UGT1A8: variants seen among roughly 807,000 people sequenced by gnomAD.
UGT1A8 encodes UDP-glucuronosyltransferase 1A8.
UGT1A8 carries 39 observed loss-of-function variants against 45.3 expected under a neutral mutation model. That is an observed-to-expected ratio of 0.86 (90% CI 0.67 to 1.12). The LOEUF (loss-of-function observed/expected upper bound fraction) is 1.12, where lower values mean the gene tolerates loss of function less well. Ranked by LOEUF, UGT1A8 falls within the 50% of genes most tolerant of loss-of-function variation. UGT1A8 has a pLI of 0.00. For missense variants in UGT1A8, 719 were observed against 664.9 expected, an observed-to-expected ratio of 1.08 and a Z score of -0.90; for synonymous variants, 275 against 249.2, an observed-to-expected ratio of 1.10 and a Z score of -0.97.
At chr2:233,680,914 A>G (rs12474215) in intron 1 of UGT1A8, among the ~76,000 whole-genome samples, 1 of 151,884 alleles carries the variant, frequency 6.6e-6, no homozygotes, top group Non-Finnish European at 1.5e-5. Flanking sequence ...AATGTATCTG[A>G]GGAAAGCCAT....
At chr2:233,757,106 G>A (rs1294387153) in intron 1 of UGT1A8, among the ~76,000 whole-genome samples, 2 of 151,332 alleles carry the variant, frequency 1.3e-5, no homozygotes, top group African/African-American at 4.9e-5. Flanking sequence ...GAGGGGGCAA[G>A]CAGAAGGGCT....
intron 1 of UGT1A8, chr2:233,729,180 T>G: frequency 6.2e-6 from 10 of 1,613,900 alleles, no homozygotes; most frequent in Non-Finnish European, 7.6e-6. Context: ...GACTGCTGCT[T>G]CTCCTCAGTG....
At chr2:233,709,996 TA>T (rs2076102757) in intron 1 of UGT1A8, among the ~76,000 whole-genome samples, 5 of 152,236 alleles carry the variant, frequency 3.3e-5, no homozygotes, top group African/African-American at 9.6e-5. Flanking sequence ...AATGGAATCA[TA>T]CAATTATGAA....
intron 1 of UGT1A8, among the ~76,000 whole-genome samples, chr2:233,703,576 T>C (rs1010311982): frequency 2.0e-5 from 3 of 152,152 alleles, no homozygotes; most frequent in East Asian, 3.9e-4. Context: ...TTTTAAGGTC[T>C]ATATTATCTT....
At chr2:233,733,817 C>T (rs994930501) in intron 1 of UGT1A8, among the ~76,000 whole-genome samples, 1 of 152,092 alleles carries the variant, frequency 6.6e-6, no homozygotes, top group Admixed American at 6.5e-5. Flanking sequence ...ATGCTGGCCT[C>T]ATAAAATGAG....
chr2:233,620,517 A>C (rs1192852104), intron 1 of UGT1A8, among the ~76,000 whole-genome samples: 1 of 152,214 alleles, frequency 6.6e-6, no homozygotes, highest in Non-Finnish European at 1.5e-5. Flanking sequence ...GGAGATATCC[A>C]TAAAAAAAGG....
chr2:233,650,602 T>C (rs1324203047), intron 1 of UGT1A8, among the ~76,000 whole-genome samples: 1 of 152,232 alleles, frequency 6.6e-6, no homozygotes, highest in African/African-American at 2.4e-5. Context: ...AAATTTCTTT[T>C]GACCATTTTT....
At chr2:233,642,450 C>T (rs752594218) in intron 1 of UGT1A8, among the ~76,000 whole-genome samples, 3 of 152,184 alleles carry the variant, frequency 2.0e-5, no homozygotes, top group Non-Finnish European at 4.4e-5. Context: ...TGAGTTTCCT[C>T]AACACAGCTA....
chr2:233,694,156 TCAAA>T (rs2075202894), intron 1 of UGT1A8, among the ~76,000 whole-genome samples: 1 of 152,126 alleles, frequency 6.6e-6, no homozygotes, highest in Non-Finnish European at 1.5e-5. Context: ...ATGTCCCAGT[TCAAA>T]CAGAGGTGAA....
At chr2:233,623,682 A>C (rs1182073531) in intron 1 of UGT1A8, among the ~76,000 whole-genome samples, 1 of 152,168 alleles carries the variant, frequency 6.6e-6, no homozygotes, top group African/African-American at 2.4e-5. Flanking sequence ...TTTCTTGAAC[A>C]ACATCTTTCC....
At position 233,729,852 on chromosome 2, in the gene UGT1A8, G is replaced by A. The variant is rs774381589; in HGVS notation, c.856-37182G>A. On this transcript the variant is annotated intron_variant, in intron 1 of 4. Transcript: ENST00000373450. ...TTGCCTCTGAGCTTTTTCAGAGAGAGGTGTCAGTGGTGGATATTCTCAGTC... is the reference window on the plus strand; with the variant it reads ...TTGCCTCTGAGCTTTTTCAGAGAGAAGTGTCAGTGGTGGATATTCTCAGTC... The A allele has an allele frequency of 4.3e-6, 7 of 1,613,776 alleles. No homozygotes were observed. In the African/African-American group the frequency reaches 9.3e-5, roughly 22 times the overall value.
intron 1 of UGT1A8, chr2:233,750,722 T>C (rs1694546738): frequency 6.6e-6 from 1 of 151,960 alleles, no homozygotes; most frequent in South Asian, 2.1e-4. Context: ...AGGCCATTGC[T>C]TCAGAGGGTG....
At chr2:233,640,824 C>G (rs1043793766) in intron 1 of UGT1A8, among the ~76,000 whole-genome samples, 1 of 152,030 alleles carries the variant, frequency 6.6e-6, no homozygotes, top group African/African-American at 2.4e-5. Flanking sequence ...ACTCACATGC[C>G]AAAGATTTGT....
chr2:233,727,430 A>C (rs1214577607), intron 1 of UGT1A8, among the ~76,000 whole-genome samples: 1 of 152,124 alleles, frequency 6.6e-6, no homozygotes, highest in African/African-American at 2.4e-5. Flanking sequence ...GGAGTCCCAG[A>C]CATGTGACAA....
intron 1 of UGT1A8, chr2:233,647,786 G>A: frequency 6.4e-6 from 4 of 623,018 alleles, no homozygotes; most frequent in Non-Finnish European, 1.0e-5. Flanking sequence ...TTCCTAATCA[G>A]TCTGGGTAGA....
At chr2:233,692,518 G>A (rs745597997) in intron 1 of UGT1A8, among the ~76,000 whole-genome samples, 2 of 152,138 alleles carry the variant, frequency 1.3e-5, no homozygotes, top group Admixed American at 6.5e-5. Context: ...TGTGGGGTCC[G>A]TGCTAACTCA....
chr2:233,641,888 T>G (rs1316640717), intron 1 of UGT1A8, among the ~76,000 whole-genome samples: 1 of 152,206 alleles, frequency 6.6e-6, no homozygotes, highest in Non-Finnish European at 1.5e-5. Context: ...GTATTGGAAC[T>G]CCATTGTTTG....
intron 1 of UGT1A8, among the ~76,000 whole-genome samples, chr2:233,706,103 A>AC (rs954125060): frequency 2.0e-5 from 3 of 152,178 alleles, no homozygotes; most frequent in South Asian, 4.2e-4. Flanking sequence ...TTAAAAAAAA[A>AC]CCAAGAATTT....
intron 1 of UGT1A8, among the ~76,000 whole-genome samples, chr2:233,725,079 CG>C (rs1365887485): frequency 6.9e-6 from 1 of 144,208 alleles, no homozygotes; most frequent in Non-Finnish European, 1.5e-5. Context: ...CGCAGGCACT[CG>C]GCAGGCTGAG....
Sources: allele counts gnomAD v4.1 joint callset (sites outside exome capture counted in the v4.1 genomes callset), GRCh38; gene constraint gnomAD v4.1.1; transcripts MANE v1.5; gene names NCBI Gene and HGNC (gene_info 2026-07-23, HGNC 2026-07-21).